Variants in XXYLT1 observed in about 807,000 individuals in gnomAD.
The protein encoded by XXYLT1 is UDP-xylose:alpha-xyloside alpha-1,3-xylosyltransferase.
XXYLT1 carries 20 observed loss-of-function variants against 28.9 expected under a neutral mutation model. The observed-to-expected ratio is 0.69, with a 90% CI of 0.49 to 1.00. XXYLT1 has a LOEUF of 1.00. Among genes scored for constraint, XXYLT1 ranks in the 50% least tolerant of loss-of-function variants. The pLI is 0.00. For missense variants in XXYLT1, 542 were observed against 560.1 expected (o/e 0.97, Z 0.33); for synonymous variants, 257 against 253.8 (o/e 1.01, Z -0.12).
rs1715563672 is a variant in XXYLT1 at position 195,083,699 on chromosome 3, C to T, written c.786-13588G>A. ...AACTACCTACGGTCAGTATTATTTC[C>T]ATTTTACGGACGAGGAAATGGAGGC... On this transcript the variant is annotated intron_variant, in intron 3 of 3. Coordinates refer to ENST00000310380, the MANE Select transcript of XXYLT1 (RefSeq NM_152531.5). Among the ~76,000 whole-genome samples, 4 of 152,294 alleles carry T rather than the reference C, an allele frequency of 2.6e-5. No individual in the cohort carries two copies. The South Asian group carries it at 8.3e-4, about 32-fold the overall frequency.
chr3:195,135,397 CAA>C (rs1332319841), intron 3 of XXYLT1, among the ~76,000 whole-genome samples: 1 of 152,104 alleles, frequency 6.6e-6, no homozygotes, highest in Non-Finnish European at 1.5e-5. Context: ...ATCCCCTTAT[CAA>C]AAAAGAGTCA....
intron 2 of XXYLT1, chr3:195,184,545 C>T (rs1185477099): frequency 3.2e-6 from 3 of 929,928 alleles, no homozygotes; most frequent in East Asian, 1.2e-4. Flanking sequence ...AAATGGCCTC[C>T]TAATTCTGGA....
intron 3 of XXYLT1, among the ~76,000 whole-genome samples, chr3:195,106,781 A>T (rs766031856): frequency 1.3e-4 from 20 of 152,336 alleles, no homozygotes; most frequent in African/African-American, 4.8e-4. Flanking sequence ...TGTCTGCCTC[A>T]GGACCATCAA....
intron 1 of XXYLT1, among the ~76,000 whole-genome samples, chr3:195,242,657 T>A (rs964425790): frequency 6.6e-6 from 1 of 151,998 alleles, no homozygotes; most frequent in South Asian, 2.1e-4. Context: ...GGAGGTGGGG[T>A]CTGATCTGCA....
rs562429268 is a variant in XXYLT1 at position 195,149,089 on chromosome 3, A to G, written c.785+7360T>C. ...AAAGGTTTTCATAGTAAAAAGAAAA[A>G]TCATACCAAGAGACCAGCAACATTT... On this transcript the variant is annotated intron_variant, in intron 3 of 3. Coordinates refer to ENST00000310380, the MANE Select transcript of XXYLT1 (RefSeq NM_152531.5). Among the ~76,000 whole-genome samples the G allele has an allele frequency of 4.6e-5, 7 of 152,332 alleles. No individual in the cohort carries two copies. The East Asian group carries it at 1.4e-3, about 29-fold the overall frequency.
chr3:195,238,916 C>T (rs745741179), intron 1 of XXYLT1, among the ~76,000 whole-genome samples: 22 of 152,208 alleles, frequency 1.4e-4, no homozygotes, highest in Non-Finnish European at 2.4e-4. Context: ...CAGGCATACA[C>T]GCAGAGCAGG....
intron 3 of XXYLT1, among the ~76,000 whole-genome samples, chr3:195,143,812 A>ATATTTTTTTTTTTTT (rs1719635756): frequency 1.1e-5 from 1 of 94,852 alleles, no homozygotes; most frequent in African/African-American, 3.9e-5. Flanking sequence ...ATAGATATAT[A>ATATTTTTTTTTTTTT]TAGATATAGA....
intron 2 of XXYLT1, among the ~76,000 whole-genome samples, chr3:195,200,133 G>A (rs902060352): frequency 2.0e-5 from 3 of 152,206 alleles, no homozygotes; most frequent in Non-Finnish European, 4.4e-5. Context: ...CTGCCATTTA[G>A]GGGATGCTGC....
intron 1 of XXYLT1, chr3:195,270,337 A>T (rs113482363): frequency 8.9e-7 from 1 of 1,129,596 alleles, no homozygotes. Context: ...CGGTCATTAA[A>T]AACGCAGCTC....
intron 2 of XXYLT1, among the ~76,000 whole-genome samples, chr3:195,181,447 CA>C (rs1386357958): frequency 1.3e-5 from 2 of 152,198 alleles, no homozygotes; most frequent in African/African-American, 4.8e-5. Flanking sequence ...GTGAACACCT[CA>C]AATTCTCTGA....
In XXYLT1 at chr3:195,227,544, C is replaced by T. The variant is rs551115766; in HGVS notation, c.505-688G>A. Among the ~76,000 whole-genome samples the T allele has an allele frequency of 8.5e-5, 13 of 152,306 alleles. No individual in the cohort carries two copies. The South Asian group carries it at 1.5e-3, about 17-fold the overall frequency. On this transcript the variant is annotated intron_variant, in intron 1 of 3. Coordinates refer to ENST00000310380, the MANE Select transcript of XXYLT1 (RefSeq NM_152531.5). Reference sequence around the variant, plus strand: ...AGAAGTCCAGAGGTATAATCAGCTACGGCAGAGCTTTGCAATTTATGAAAC... The same window carrying T: ...AGAAGTCCAGAGGTATAATCAGCTATGGCAGAGCTTTGCAATTTATGAAAC...
chr3:195,140,783 T>C (rs10433330), intron 3 of XXYLT1, among the ~76,000 whole-genome samples: 17,829 of 152,184 alleles, frequency 0.12, 1,184 homozygotes, highest in East Asian at 0.27. Flanking sequence ...GCCCCCATGA[T>C]TCAATCACCT....
At chr3:195,221,391 ATC>A (rs1723815332) in intron 2 of XXYLT1, among the ~76,000 whole-genome samples, 1 of 152,218 alleles carries the variant, frequency 6.6e-6, no homozygotes, top group Admixed American at 6.5e-5. Context: ...CCCAGCAAAC[ATC>A]TCTGAGACAC....
intron 3 of XXYLT1, among the ~76,000 whole-genome samples, chr3:195,088,093 C>T (rs1476033959): frequency 6.6e-6 from 1 of 151,866 alleles, no homozygotes; most frequent in East Asian, 1.9e-4. Context: ...TGCAAGGTGG[C>T]AGCGAGGCTG....
chr3:195,265,491 A>C (rs916453828), intron 1 of XXYLT1, among the ~76,000 whole-genome samples: 8 of 152,252 alleles, frequency 5.3e-5, no homozygotes, highest in African/African-American at 1.9e-4. Context: ...CTGATAGCAC[A>C]AGGCAAATAC....
At chr3:195,217,001 G>T (rs1723608171) in intron 2 of XXYLT1, among the ~76,000 whole-genome samples, 1 of 130,384 alleles carries the variant, frequency 7.7e-6, no homozygotes, top group Non-Finnish European at 1.5e-5. Flanking sequence ...TGCAAGGCTG[G>T]TTCAATATAC....
intron 1 of XXYLT1, among the ~76,000 whole-genome samples, chr3:195,239,683 A>G (rs1290033706): frequency 6.6e-6 from 1 of 152,210 alleles, no homozygotes; most frequent in African/African-American, 2.4e-5. Context: ...TTACAAAATA[A>G]TTTCTCTTCA....
chr3:195,232,058 A>T (rs1724323282), intron 1 of XXYLT1, among the ~76,000 whole-genome samples: 1 of 151,964 alleles, frequency 6.6e-6, no homozygotes, highest in South Asian at 2.1e-4. Context: ...CTTTGATCTA[A>T]TTACTTGTTA....
At chr3:195,158,768 G>A (rs1308090408) in intron 2 of XXYLT1, among the ~76,000 whole-genome samples, 5 of 152,228 alleles carry the variant, frequency 3.3e-5, no homozygotes, top group African/African-American at 1.2e-4. Flanking sequence ...TGTCCAGGAG[G>A]TTAGCCCCTT....
Sources: allele counts gnomAD v4.1 joint callset (sites outside exome capture counted in the v4.1 genomes callset), GRCh38; gene constraint gnomAD v4.1.1; transcripts MANE v1.5; gene names NCBI Gene and HGNC (gene_info 2026-07-23, HGNC 2026-07-21).